Variants in NANS observed in about 807,000 individuals in gnomAD.
The protein encoded by NANS is N-acetylneuraminate-9-phosphate synthase.
NANS carries 29 observed loss-of-function variants against 33.3 expected under a neutral mutation model. The observed-to-expected ratio is 0.87, with a 90% CI of 0.65 to 1.19. The LOEUF (loss-of-function observed/expected upper bound fraction) is 1.19. Ranked by LOEUF, NANS falls within the 50% of genes most tolerant of loss-of-function variation. The pLI is 0.00. For missense variants in NANS, 394 were observed against 461.1 expected (o/e 0.85, Z 1.33); for synonymous variants, 163 against 177.2 (o/e 0.92, Z 0.64).
rs1183928475 is a variant in NANS at position 98,067,600 on chromosome 9, A to C, written c.348+6603A>C. On this transcript the variant is annotated intron_variant, in intron 2 of 5. Transcript: ENST00000210444. ...TATTTTTCTTTATATATTCTTTTGA[A>C]ATTTAATTATTTTTTCATGTATAGC... 6.6e-5 allele frequency among the ~76,000 whole-genome samples: 10 copies of C among 152,098 alleles called. 1 individual carries two copies. The highest frequency in any genetic ancestry group is 6.6e-4 in the Admixed American group (10 of 15,266).
chr9:98,072,504 C>A (rs1456475323), intron 2 of NANS, among the ~76,000 whole-genome samples: 1 of 151,768 alleles, frequency 6.6e-6, no homozygotes, highest in Admixed American at 6.6e-5. Context: ...CTCCACCTCA[C>A]GGGTTCAAGC....
At chr9:98,065,721 C>T (rs1219838268) in intron 2 of NANS, among the ~76,000 whole-genome samples, 1 of 151,546 alleles carries the variant, frequency 6.6e-6, no homozygotes, top group Non-Finnish European at 1.5e-5. Flanking sequence ...ATTTTATCTC[C>T]CAGAATTCCC....
At chr9:98,057,922 G>GGT (rs1828874778) in intron 1 of NANS, among the ~76,000 whole-genome samples, 2 of 78,086 alleles carry the variant, frequency 2.6e-5, no homozygotes, top group Non-Finnish European at 4.6e-5. Flanking sequence ...TTTTTTCCTG[G>GGT]TTTTTTTTTT....
At chr9:98,063,511 G>C (rs1428014721) in intron 2 of NANS, among the ~76,000 whole-genome samples, 1 of 152,070 alleles carries the variant, frequency 6.6e-6, no homozygotes, top group Non-Finnish European at 1.5e-5. Context: ...CAAAGTGCTG[G>C]GATTACAGGT....
At chr9:98,078,974 C>T (rs1288206600) in intron 4 of NANS, among the ~76,000 whole-genome samples, 1 of 152,142 alleles carries the variant, frequency 6.6e-6, no homozygotes, top group African/African-American at 2.4e-5. Context: ...TATAGGAGGC[C>T]TTCTTGAAAC....
intron 2 of NANS, among the ~76,000 whole-genome samples, chr9:98,072,541 G>C (rs1300005191): frequency 1.3e-5 from 2 of 151,926 alleles, no homozygotes; most frequent in Non-Finnish European, 2.9e-5. Flanking sequence ...CTCCCGAGTA[G>C]CTGGGACTAC....
rs774179344 is a variant in NANS, at chr9:98,060,867, C to G, written c.218C>G (p.Ser73Trp). The change falls in exon 2 of 6, where the codon TCG (serine) becomes TGG (tryptophan). Residue 73 changes from serine (S) to tryptophan (W), a missense_variant. Ser to Trp is a radical substitution (Grantham distance 177, BLOSUM62 -3). Coordinates refer to ENST00000210444, the MANE Select transcript of NANS (RefSeq NM_018946.4). ...AAAGCCTTGGAGAGGCCATACACCTCGAAGCATTCCTGGGGGAAGACGTAC... is the reference window on the plus strand; with the variant it reads ...AAAGCCTTGGAGAGGCCATACACCTGGAAGCATTCCTGGGGGAAGACGTAC... ...NRKALERPYT[S>W]KHSWGKTYGE... 6.8e-6 allele frequency: 11 copies of G among 1,614,132 alleles called. No individual in the cohort carries two copies. The highest frequency in any genetic ancestry group is 9.3e-6 in the Non-Finnish European group (11 of 1,180,038).
intron 2 of NANS, among the ~76,000 whole-genome samples, chr9:98,068,120 A>G (rs1829203569): frequency 2.6e-5 from 4 of 151,858 alleles, no homozygotes; most frequent in African/African-American, 2.4e-5. Flanking sequence ...ATCTATTTAT[A>G]TGTTTAAAAA....
chr9:98,059,619 T>G (rs1044803504), intron 1 of NANS, among the ~76,000 whole-genome samples: 1 of 152,192 alleles, frequency 6.6e-6, no homozygotes, highest in Non-Finnish European at 1.5e-5. Context: ...CTTACTATGT[T>G]GCCGAGGCTG....
intron 2 of NANS, chr9:98,069,449 T>C (rs993993367): frequency 6.6e-6 from 1 of 152,184 alleles, no homozygotes; most frequent in Non-Finnish European, 1.5e-5. Flanking sequence ...AATTTTTGTA[T>C]TTTTTGCAGA....
intron 4 of NANS, among the ~76,000 whole-genome samples, chr9:98,079,195 C>G (rs1393307831): frequency 6.6e-6 from 1 of 152,224 alleles, no homozygotes; most frequent in Non-Finnish European, 1.5e-5. Context: ...GGAACTAGAA[C>G]CTGGGCATGT....
intron 2 of NANS, among the ~76,000 whole-genome samples, chr9:98,065,602 G>C (rs76598821): frequency 3.4e-4 from 50 of 146,572 alleles, no homozygotes; most frequent in African/African-American, 1.3e-3. Flanking sequence ...GCCTCCCAAA[G>C]TGTTAGGATT....
At chr9:98,060,490 G>A (rs908027740) in intron 1 of NANS, among the ~76,000 whole-genome samples, 3 of 152,122 alleles carry the variant, frequency 2.0e-5, no homozygotes, top group East Asian at 3.9e-4. Context: ...CCAATGTGGC[G>A]AAACCTTGTC....
chr9:98,063,023 G>A (rs377105702), intron 2 of NANS, among the ~76,000 whole-genome samples: 296 of 151,492 alleles, frequency 2.0e-3, no homozygotes, highest in African/African-American at 6.9e-3. Context: ...TGCAACCCCC[G>A]CCTCCCAGGT....
chr9:98,071,801 G>A (rs1829346913), intron 2 of NANS, among the ~76,000 whole-genome samples: 2 of 152,194 alleles, frequency 1.3e-5, no homozygotes, highest in South Asian at 4.1e-4. Flanking sequence ...ACTTGCACCT[G>A]GATTGGGGAC....
chr9:98,069,828 GT>G (rs1829259512), intron 2 of NANS: 1 of 152,192 alleles, frequency 6.6e-6, no homozygotes, highest in Non-Finnish European at 1.5e-5. Flanking sequence ...TATGGTGACC[GT>G]GGCAGTGCTC....
At chr9:98,072,466 C>T in intron 2 of NANS, among the ~76,000 whole-genome samples, 1 of 150,566 alleles carries the variant, frequency 6.6e-6, no homozygotes, top group South Asian at 2.1e-4. Context: ...AGCTGGAGTG[C>T]AGTTGCGCAA....
At chr9:98,065,308 C>CTTTTTT (rs758040892) in intron 2 of NANS, among the ~76,000 whole-genome samples, 6 of 92,752 alleles carry the variant, frequency 6.5e-5, no homozygotes, top group South Asian at 4.5e-4. Context: ...ACTCCTGGTG[C>CTTTTTT]TTTTTTTTTT....
chr9:98,059,723 G>GTTT (rs1198179640), intron 1 of NANS, among the ~76,000 whole-genome samples: 3 of 150,064 alleles, frequency 2.0e-5, no homozygotes, highest in Admixed American at 6.6e-5. Context: ...CCTCTTGAGT[G>GTTT]TTTTTTGTTT....
Sources: gnomAD v4.1 joint callset for allele counts (sites outside exome capture counted in the v4.1 genomes callset) on GRCh38, gnomAD v4.1.1 for gene constraint, MANE v1.5 for transcripts, NCBI Gene and HGNC (gene_info 2026-07-23, HGNC 2026-07-21) for gene names.